The following HSF2 variants were observed in gnomAD, a reference collection of about 807,000 sequenced individuals.
The protein encoded by HSF2 is heat shock factor protein 2.
In HSF2, 21 loss-of-function variants were observed where a neutral mutation model predicts 65.0. The ratio of observed to expected loss-of-function variants is 0.32; its 90% CI spans 0.23 to 0.47. HSF2 has a LOEUF of 0.47. Among genes scored for constraint, HSF2 ranks in the 20% least tolerant of loss-of-function variants. The probability of loss-of-function intolerance (pLI) is 1.00; values close to 1 mark genes in which losing one functional copy is unlikely to be tolerated. For missense variants in HSF2, 499 were observed against 628.1 expected (o/e 0.79, Z 2.20); for synonymous variants, 225 against 219.1 (o/e 1.03, Z -0.24).
chr6:122,427,874 C>T, intron 10 of HSF2, 29 bp from the exon 11 acceptor site: 1 of 1,540,926 alleles, frequency 6.5e-7, no homozygotes, highest in Non-Finnish European at 8.9e-7. Flanking sequence ...ATTTTTTAAA[C>T]TTATCATCTT....
At chr6:122,431,030 T>G (rs1050920416) in intron 11 of HSF2, among the ~76,000 whole-genome samples, 6 of 152,158 alleles carry the variant, frequency 3.9e-5, no homozygotes, top group African/African-American at 1.4e-4. Context: ...GTGAAATGTA[T>G]AATACATTTT....
At chr6:122,420,927 G>T (rs1450826535) in intron 7 of HSF2, among the ~76,000 whole-genome samples, 1 of 150,924 alleles carries the variant, frequency 6.6e-6, no homozygotes, top group East Asian at 1.9e-4. Context: ...ACCTTTGCTG[G>T]TCTCGAACTC....
intron 1 of HSF2, among the ~76,000 whole-genome samples, chr6:122,403,862 A>AATAT (rs1773799180): frequency 6.6e-6 from 1 of 152,216 alleles, no homozygotes; most frequent in South Asian, 2.1e-4. Context: ...TTAGCTTGGA[A>AATAT]GCAACTGGTG....
chr6:122,431,229 C>T (rs1774457992), intron 11 of HSF2, among the ~76,000 whole-genome samples: 1 of 151,982 alleles, frequency 6.6e-6, no homozygotes, highest in Admixed American at 6.6e-5. Flanking sequence ...TTTGTTTTAT[C>T]CCCTCAGTGA....
chr6:122,411,267 T>C (rs577468064), intron 1 of HSF2, among the ~76,000 whole-genome samples: 8 of 152,050 alleles, frequency 5.3e-5, no homozygotes, highest in Admixed American at 6.5e-5. Flanking sequence ...TGAAGAAATA[T>C]CTACTCACAT....
At chr6:122,422,624 G>A (rs2114448165) in intron 8 of HSF2, 94 bp from the exon 9 acceptor site, 3 of 1,299,012 alleles carry the variant, frequency 2.3e-6, no homozygotes, top group Non-Finnish European at 1.1e-6. Flanking sequence ...TCAGTATGTG[G>A]TATGGGGAGA....
chr6:122,413,358 C>T (rs2243359), intron 3 of HSF2, among the ~76,000 whole-genome samples, 167 bp from the exon 4 acceptor site: 3 of 151,880 alleles, frequency 2.0e-5, no homozygotes, highest in Non-Finnish European at 2.9e-5. Flanking sequence ...GCGTTCTCTC[C>T]CATTGAGCTC....
intron 4 of HSF2, among the ~76,000 whole-genome samples, chr6:122,415,923 A>C (rs1393657001): frequency 6.6e-6 from 1 of 152,186 alleles, no homozygotes; most frequent in Admixed American, 6.5e-5. Context: ...AAGCTGAGGC[A>C]CGAGAATTGC....
At chr6:122,405,401 A>T (rs539507259) in intron 1 of HSF2, among the ~76,000 whole-genome samples, 5 of 152,278 alleles carry the variant, frequency 3.3e-5, no homozygotes, top group Admixed American at 3.3e-4. Flanking sequence ...TATTTTCAAG[A>T]GGGTAAGTTT....
chr6:122,410,872 A>C (rs982535434), intron 1 of HSF2, among the ~76,000 whole-genome samples: 1 of 150,646 alleles, frequency 6.6e-6, no homozygotes, highest in African/African-American at 2.4e-5. Context: ...GCTACTGTGA[A>C]CATGGGGTAC....
intron 1 of HSF2, among the ~76,000 whole-genome samples, chr6:122,409,745 G>T (rs945988215): frequency 6.6e-6 from 1 of 151,952 alleles, no homozygotes; most frequent in African/African-American, 2.4e-5. Context: ...GAAAGTAGAG[G>T]AGAGTAGAGA....
At chr6:122,427,210 A>G (rs1332694793) in intron 10 of HSF2, among the ~76,000 whole-genome samples, 1 of 152,006 alleles carries the variant, frequency 6.6e-6, no homozygotes, top group Admixed American at 6.6e-5. Flanking sequence ...TGTCCTTTAG[A>G]TTGTAAGCTC....
intron 7 of HSF2, among the ~76,000 whole-genome samples, 172 bp from the exon 8 acceptor site, chr6:122,421,978 T>G (rs1445073199): frequency 1.3e-5 from 2 of 152,130 alleles, no homozygotes; most frequent in Non-Finnish European, 2.9e-5. Flanking sequence ...CTCTGTGAAT[T>G]GGTGCTGCTA....
intron 1 of HSF2, among the ~76,000 whole-genome samples, chr6:122,411,749 G>A (rs546569187): frequency 1.3e-3 from 199 of 151,724 alleles, no homozygotes; most frequent in African/African-American, 4.6e-3. Flanking sequence ...TTTATTTCTG[G>A]GCTGTCTATT....
At chr6:122,410,384 G>A (rs2114429079) in intron 1 of HSF2, among the ~76,000 whole-genome samples, 1 of 151,256 alleles carries the variant, frequency 6.6e-6, no homozygotes, top group South Asian at 2.1e-4. Flanking sequence ...TTATTATTGG[G>A]ATATTTTATT....
chr6:122,399,930 T>C (rs1343500936), intron 1 of HSF2, 100 bp downstream of exon 1: 13 of 907,228 alleles, frequency 1.4e-5, no homozygotes, highest in Non-Finnish European at 2.3e-5. Context: ...CTCGACGCTG[T>C]CTGCGAGGCC....
rs534780743 is a variant in HSF2 at position 122,423,565 on chromosome 6, AT to A, written c.1071-7del. On this transcript the variant is annotated splice_polypyrimidine_tract_variant and intron_variant, in intron 9 of 12. Coordinates refer to ENST00000368455, the MANE Select transcript of HSF2 (RefSeq NM_004506.4). Reference sequence around the variant, plus strand: ...GGATATCTAATATTTGATTAAAAAAATTTTTTTTTCCTTAGGGTTGAGCTGT... The same window carrying A: ...GGATATCTAATATTTGATTAAAAAAATTTTTTTTCCTTAGGGTTGAGCTGT... 1.0e-4 allele frequency: 147 copies of A among 1,432,784 alleles called. No homozygotes were observed. Among genetic ancestry groups the A allele is most frequent in the East Asian group, 1.2e-4 (5 of 42,492 alleles). The allele number at this position is 1,432,784 out of a possible 1,614,324, so 88.8% of individuals were successfully genotyped here. A position where few individuals can be genotyped will look rare whatever the true frequency, so the allele number is the denominator to read the frequency against.
chr6:122,407,705 C>T (rs975378853), intron 1 of HSF2, among the ~76,000 whole-genome samples: 6 of 152,048 alleles, frequency 3.9e-5, no homozygotes, highest in Non-Finnish European at 7.4e-5. Context: ...AGCACCTTTA[C>T]TGAGTAGTTC....
At chr6:122,417,341 T>C (rs1316558880) in intron 5 of HSF2, among the ~76,000 whole-genome samples, 2 of 152,164 alleles carry the variant, frequency 1.3e-5, no homozygotes, top group African/African-American at 2.4e-5. Context: ...GTTAATACTT[T>C]TCAGAAACAG....
Sources: allele counts gnomAD v4.1 joint callset (sites outside exome capture counted in the v4.1 genomes callset), GRCh38; gene constraint gnomAD v4.1.1; transcripts MANE v1.5; gene names NCBI Gene and HGNC (gene_info 2026-07-23, HGNC 2026-07-21).